PDE1C: variants seen among roughly 807,000 people sequenced by gnomAD.
PDE1C encodes dual specificity calcium/calmodulin-dependent 3',5'-cyclic nucleotide phosphodiesterase 1C.
PDE1C carries 62 observed loss-of-function variants against 93.1 expected under a neutral mutation model. The observed-to-expected ratio is 0.67, with a 90% CI of 0.54 to 0.82. PDE1C has a LOEUF of 0.82. Among genes scored for constraint, PDE1C ranks in the 40% least tolerant of loss-of-function variants. The pLI, the probability that PDE1C is intolerant of heterozygous loss-of-function variation, is 0.00. For synonymous variants in PDE1C, 325 were observed against 310.1 expected, an observed-to-expected ratio of 1.05 and a Z score of -0.50; for missense variants, 742 against 884.6, an observed-to-expected ratio of 0.84 and a Z score of 2.04.
intron 1 of PDE1C, among the ~76,000 whole-genome samples, chr7:32,286,198 AGAG>A (rs1811987501): frequency 6.6e-6 from 1 of 152,228 alleles, no homozygotes; most frequent in African/African-American, 2.4e-5. Flanking sequence ...TGGGATGTTA[AGAG>A]GAGATGATAG....
intron 1 of PDE1C, among the ~76,000 whole-genome samples, chr7:32,232,865 G>A (rs1304413693): frequency 6.6e-6 from 1 of 152,092 alleles, no homozygotes; most frequent in Admixed American, 6.6e-5. Flanking sequence ...ACAGAAGGCT[G>A]GTCAAAACTT....
chr7:31,660,400 A>T, the PDE1C span, among the ~76,000 whole-genome samples: 1 of 152,332 alleles, frequency 6.6e-6, no homozygotes, highest in Non-Finnish European at 1.5e-5. Flanking sequence ...ATCACATAAC[A>T]TTCCCTTTAT....
chr7:31,695,495 G>A, the PDE1C span: 5 of 1,612,498 alleles, frequency 3.1e-6, no homozygotes, highest in Admixed American at 6.7e-5. Context: ...GTTCATTAAG[G>A]ACTGTGATCT....
chr7:32,108,540 T>C (rs1250725368), intron 3 of PDE1C, among the ~76,000 whole-genome samples: 1 of 151,974 alleles, frequency 6.6e-6, no homozygotes, highest in Non-Finnish European at 1.5e-5. Context: ...CAGGCCATAA[T>C]TCCAGAAGAA....
chr7:32,103,816 T>C (rs1295802545), intron 3 of PDE1C, among the ~76,000 whole-genome samples: 2 of 152,056 alleles, frequency 1.3e-5, no homozygotes, highest in Admixed American at 6.6e-5. Context: ...GTAACTGATA[T>C]CTACAGCGAT....
chr7:32,311,079 C>T lies in PDE1C; in HGVS notation c.311-101540G>A, dbSNP rs188382706. ...AAAATGATAAAGAAGATATCACCAC[C>T]GATCCCACAGAAATACAAACTACCA... On this transcript the variant is annotated intron_variant, in intron 1 of 1. Coordinates refer to the PDE1C transcript ENST00000672256. Among the ~76,000 whole-genome samples, 652 of 152,096 alleles carry T rather than the reference C, an allele frequency of 4.3e-3. 10 individuals are homozygous for T. In the East Asian group the frequency reaches 0.055, roughly 13 times the overall value.
At chr7:32,076,734 C>G (rs1796380179) in intron 3 of PDE1C, among the ~76,000 whole-genome samples, 1 of 150,726 alleles carries the variant, frequency 6.6e-6, no homozygotes, top group Admixed American at 6.6e-5. Flanking sequence ...CAAAGAAAAA[C>G]AATGTGAAAG....
At chr7:32,105,487 T>A (rs1798251981) in intron 3 of PDE1C, among the ~76,000 whole-genome samples, 1 of 152,176 alleles carries the variant, frequency 6.6e-6, no homozygotes, top group African/African-American at 2.4e-5. Flanking sequence ...ACAATTTCCT[T>A]ATCCCAATAA....
chr7:32,085,090 A>T lies in PDE1C; in HGVS notation c.308+84695T>A, dbSNP rs1180536092. Among the ~76,000 whole-genome samples, 385 of 147,090 alleles carry T rather than the reference A, an allele frequency of 2.6e-3. 3 individuals are homozygous for T. The highest frequency in any genetic ancestry group is 9.3e-3 in the African/African-American group (365 of 39,164). On this transcript the variant is annotated intron_variant, in intron 3 of 18. Coordinates refer to the PDE1C transcript ENST00000396193. The stretch of plus-strand genomic sequence containing the variant: ...CTGGTTTTTTGAAAGGATCAACAAA[A>T]TTGATAGACCGCTAGCAAGACTAAT...
the PDE1C span, among the ~76,000 whole-genome samples, chr7:31,742,764 T>C: frequency 6.6e-6 from 1 of 152,334 alleles, no homozygotes; most frequent in East Asian, 1.9e-4. Context: ...TCTAGTTCTA[T>C]TTTGAACCTT....
At chr7:31,622,577 A>G in the PDE1C span, among the ~76,000 whole-genome samples, 63 of 152,096 alleles carry the variant, frequency 4.1e-4, no homozygotes, top group Middle Eastern at 0.014. Context: ...AAGACACAAC[A>G]TACCAGAATC....
chr7:31,651,874 G>T, the PDE1C span: 1 of 1,126,364 alleles, frequency 8.9e-7, no homozygotes, highest in South Asian at 1.3e-5. Flanking sequence ...ATTATGAGGT[G>T]ACAATGGAAG....
chr7:32,342,652 G>A (rs1250628571), intron 1 of PDE1C, among the ~76,000 whole-genome samples: 1 of 152,162 alleles, frequency 6.6e-6, no homozygotes, highest in East Asian at 1.9e-4. Flanking sequence ...AGAAGAGTCT[G>A]AAGCAAGATC....
At position 32,298,615 on chromosome 7, in the gene PDE1C, C is replaced by T. The variant is rs570540678; in HGVS notation, c.85+36G>A. Reference sequence around the variant, plus strand: ...ACCGCCACCGGAGAGGGCGTTTGCCCGAGCCAGGAGTCCGAGAGGGGTGGA... The same window carrying T: ...ACCGCCACCGGAGAGGGCGTTTGCCTGAGCCAGGAGTCCGAGAGGGGTGGA... On this transcript the variant is annotated intron_variant, in intron 1 of 18. Coordinates refer to the PDE1C transcript ENST00000396193. 9.5e-6 allele frequency: 15 copies of T among 1,572,712 alleles called. No individual in the cohort carries two copies. The South Asian group carries it at 1.4e-4, about 15-fold the overall frequency.
At chr7:31,803,063 A>C (rs1786272192) in intron 16 of PDE1C, among the ~76,000 whole-genome samples, 1 of 151,698 alleles carries the variant, frequency 6.6e-6, no homozygotes, top group Non-Finnish European at 1.5e-5. Flanking sequence ...GGTGTCCTAC[A>C]ATTCTGTTTT....
At chr7:31,700,805 G>A in the PDE1C span, among the ~76,000 whole-genome samples, 11 of 152,068 alleles carry the variant, frequency 7.2e-5, no homozygotes, top group Non-Finnish European at 1.6e-4. Flanking sequence ...GAAGCTGCCT[G>A]TGTTCTGTAA....
the PDE1C span, among the ~76,000 whole-genome samples, chr7:31,657,259 C>G: frequency 1.3e-5 from 2 of 151,350 alleles, no homozygotes; most frequent in African/African-American, 4.9e-5. Flanking sequence ...ACTCTGATTT[C>G]CTGATTTGTT....
intron 1 of PDE1C, among the ~76,000 whole-genome samples, chr7:32,380,404 A>ATTTTTTTTT (rs55965828): frequency 2.2e-5 from 3 of 137,258 alleles, no homozygotes; most frequent in African/African-American, 2.7e-5. Flanking sequence ...TGCCCGGCTA[A>ATTTTTTTTT]TTTTTTTTTT....
intron 2 of PDE1C, among the ~76,000 whole-genome samples, chr7:32,208,818 C>T (rs2128840816): frequency 6.6e-6 from 1 of 152,298 alleles, no homozygotes; most frequent in Non-Finnish European, 1.5e-5. Context: ...GCTTTAGACT[C>T]CTACTCATAG....
Sources: allele counts gnomAD v4.1 joint callset (sites outside exome capture counted in the v4.1 genomes callset), GRCh38; gene constraint gnomAD v4.1.1; transcripts MANE v1.5; gene names NCBI Gene and HGNC (gene_info 2026-07-23, HGNC 2026-07-21).